Variants in SRRM2 observed in about 807,000 individuals in gnomAD.
SRRM2 encodes the protein serine/arginine repetitive matrix protein 2.
Under a neutral mutation model 213.8 loss-of-function variants are expected in SRRM2, and 30 were observed. The observed-to-expected ratio is 0.14, with a 90% CI of 0.10 to 0.19. The LOEUF is 0.19. SRRM2 is among the 10% of genes least tolerant of loss of function. The pLI, the probability that SRRM2 is intolerant of heterozygous loss-of-function variation, is 1.00. For missense variants in SRRM2, 4,904 were observed against 3,647.0 expected (o/e 1.34, Z -8.88); for synonymous variants, 2,025 against 1,377.7 (o/e 1.47, Z -10.40).
Position 2,765,056 on chromosome 16 carries a change from C to G in SRRM2, c.4528C>G (p.Leu1510Val), listed in dbSNP as rs142674628. The change falls in exon 11 of 15, where the codon CTT becomes GTT. Residue 1510 changes from leucine to valine, a missense_variant. Transcript: ENST00000301740. ...PSSPELNNKCLTPQRERSGSE... is the reference protein window; with the variant it reads ...PSSPELNNKCVTPQRERSGSE... ...ATCCCCAGAGCTCAACAACAAGTGT[C>G]TTACCCCCCAGAGAGAAAGAAGCGG... The G allele has an allele frequency of 1.2e-6, 2 of 1,614,078 alleles. No homozygotes were observed. Among genetic ancestry groups the G allele is most frequent in the African/African-American group, 2.7e-5 (2 of 75,038 alleles).
intron 11 of SRRM2, 24 bp downstream of exon 11, chr16:2,768,285 A>G (rs1318646169): frequency 2.0e-6 from 3 of 1,522,662 alleles, no homozygotes; most frequent in East Asian, 4.5e-5. Flanking sequence ...ACTTTTAGAA[A>G]TCTTCAGTGG....
intron 11 of SRRM2, chr16:2,768,659 C>G: frequency 1.5e-6 from 1 of 647,638 alleles, no homozygotes; most frequent in South Asian, 1.5e-5. Context: ...CCAACCTGCA[C>G]TCACAGGGGC....
Position 2,769,268 on chromosome 16 carries a change from C to T in SRRM2, c.8005C>T (p.Pro2669Ser), listed in dbSNP as rs772257959. The T allele has an allele frequency of 2.0e-5, 32 of 1,561,962 alleles. No homozygotes were observed. In the Admixed American group the frequency reaches 5.7e-4, roughly 28 times the overall value. The change falls in exon 12 of 15, where the codon CCC becomes TCC. Residue 2669 changes from proline (P) to serine (S), a missense_variant. Pro to Ser is a moderately conservative substitution (Grantham distance 74, BLOSUM62 -1). Coordinates refer to ENST00000301740, the MANE Select transcript of SRRM2 (RefSeq NM_016333.4). Reference sequence around the variant, plus strand: ...CAAACCTGCAAGCCCCAAGAAGCCACCCCCTGGCGAGCGGAGGTGAGTGCT... The same window carrying T: ...CAAACCTGCAAGCCCCAAGAAGCCATCCCCTGGCGAGCGGAGGTGAGTGCT... ...LPKPASPKKP[P>S]PGERRSRSPR... is the part of the protein sequence containing the mutation.
At position 2,767,989 on chromosome 16, in the gene SRRM2, T is replaced by C. The variant is rs746629563; in HGVS notation, c.7461T>C (p.Ala2487=). 3 of 1,614,152 alleles carry C rather than the reference T, an allele frequency of 1.9e-6. No homozygotes were observed. The South Asian group carries it at 3.3e-5, about 18-fold the overall frequency. Residue 2487 remains alanine, a synonymous_variant, in exon 11 of 15, where the codon GCT becomes GCC. Coordinates refer to ENST00000301740, the MANE Select transcript of SRRM2 (RefSeq NM_016333.4). ...SGAVATTTSS[A]GDHNGMLSVP... is the part of the protein sequence containing the mutation. ...CAGTGGCAACGACCACGTCCTCTGC[T>C]GGTGATCACAATGGCATGCTCTCTG...
rs150125490 is a variant in SRRM2, at chr16:2,765,815, C to G, written c.5287C>G (p.Pro1763Ala). 201 of 1,614,106 alleles carry G rather than the reference C, an allele frequency of 1.2e-4. No homozygotes were observed. In the African/African-American group the frequency reaches 2.1e-3, roughly 17 times the overall value. Residue 1763 changes from proline (P) to alanine (A), a missense_variant, in exon 11 of 15, where the codon CCT becomes GCT. By Grantham distance (27) the Pro-to-Ala change is conservative. Transcript: ENST00000301740. Reference protein sequence around the residue: ...TKTTSRRGRSPSPKPRGLQRS... With the variant: ...TKTTSRRGRSASPKPRGLQRS... ...GACAACCTCAAGGAGAGGCCGCTCT[C>G]CTTCGCCAAAGCCTCGTGGACTCCA...
At position 2,762,937 on chromosome 16, in the gene SRRM2, ACCT is replaced by A. The variant is rs1397324967; in HGVS notation, c.2410_2412del (p.Pro804del). ...GGCGCAGTCGCTCTGGATCCTCCCA[ACCT>A]AAAGCTAAATCTAGAACGCCACCCA... On this transcript the variant is annotated inframe_deletion, in exon 11 of 15. Transcript: ENST00000301740. 2.5e-6 allele frequency: 4 copies of A among 1,610,320 alleles called. No homozygotes were observed. Among genetic ancestry groups the A allele is most frequent in the East Asian group, 4.5e-5 (2 of 44,866 alleles).
intron 4 of SRRM2, 34 bp from the exon 5 acceptor site, chr16:2,758,436 C>G (rs774949314): frequency 2.0e-6 from 3 of 1,534,158 alleles, no homozygotes; most frequent in Admixed American, 1.7e-5. Context: ...GTTTGTTCTA[C>G]CACCCATCTC....
In SRRM2 at chr16:2,752,716, G is replaced by A. The variant is rs1433218411; in HGVS notation, c.-162G>A. On this transcript the variant is annotated 5_prime_UTR_variant, in exon 1 of 15. Transcript: ENST00000301740. ...GTTGCGGCCCCTGAGGAAGCGAGGA[G>A]GCGTCGGCGTCGGCTGAGGCGGGCG... 8.4e-6 allele frequency: 3 copies of A among 357,666 alleles called. No homozygotes were observed. Among genetic ancestry groups the A allele is most frequent in the African/African-American group, 2.3e-5 (1 of 44,214 alleles). 22.2% of individuals were successfully genotyped at this position (357,666 alleles called of 1,614,324 possible). A position where few individuals can be genotyped will look rare whatever the true frequency, so the allele number is the denominator to read the frequency against.
Position 2,769,120 on chromosome 16 carries a change from CTCCTCCTCCTCCTCCTCCTCTTCT to C in SRRM2, c.7869_7892del (p.Ser2641_Ser2648del), listed in dbSNP as rs1358722891. ...GTTCCAGCTCCTCCTCTTCATCTTC[CTCCTCCTCCTCCTCCTCCTCTTCT>C]TCCTCCTCCTCTTCCTCTTCTTCTT... On this transcript the variant is annotated inframe_deletion, in exon 12 of 15. Transcript: ENST00000301740. 1.3e-6 allele frequency: 2 copies of C among 1,566,086 alleles called. No individual in the cohort carries two copies. The highest frequency in any genetic ancestry group is 1.7e-5 in the Admixed American group (1 of 58,852).
In SRRM2 at chr16:2,765,724, C is replaced by T. The variant is rs767459055; in HGVS notation, c.5196C>T (p.Ser1732=). The change falls in exon 11 of 15, where the codon TCC becomes TCT. Residue 1732 remains serine (S), a synonymous_variant. Transcript: ENST00000301740. Reference sequence around the variant, plus strand: ...ACCGGAGAAGTCCCTCAGTGTCTTCCCCGGAGCCAGCCGAAAAATCGAGGT... The same window carrying T: ...ACCGGAGAAGTCCCTCAGTGTCTTCTCCGGAGCCAGCCGAAAAATCGAGGT... ...PRHRRSPSVS[S]PEPAEKSRSS... 9 of 1,614,042 alleles carry T rather than the reference C, an allele frequency of 5.6e-6. No individual in the cohort carries two copies. In the Admixed American group the frequency reaches 1.5e-4, roughly 27 times the overall value.
Position 2,770,918 on chromosome 16 carries a change from T to C in SRRM2, c.*51T>C, listed in dbSNP as rs745890617. The C allele has an allele frequency of 2.5e-6, 4 of 1,611,496 alleles. No individual in the cohort carries two copies. Among genetic ancestry groups the C allele is most frequent in the Non-Finnish European group, 3.4e-6 (4 of 1,178,904 alleles). ...CCCAATGCTCTGGAGCCACAAGGAG[T>C]GTCCCTTCTTCCCCAGCAGAGCCGT... On this transcript the variant is annotated 3_prime_UTR_variant, in exon 15 of 15. Transcript: ENST00000301740.
Position 2,761,558 on chromosome 16 carries a change from T to C in SRRM2, c.1033-3T>C. On this transcript the variant is annotated splice_polypyrimidine_tract_variant and splice_region_variant and intron_variant, in intron 10 of 14. Coordinates refer to ENST00000301740, the MANE Select transcript of SRRM2 (RefSeq NM_016333.4). ...CTATCCCTGCTCTCTCTTCCACTCTTAGAAATCTGCAACTCGACCTAGCCC... is the reference window on the plus strand; with the variant it reads ...CTATCCCTGCTCTCTCTTCCACTCTCAGAAATCTGCAACTCGACCTAGCCC... 6.7e-7 allele frequency: 1 copy of C among 1,502,832 alleles called. No homozygotes were observed. Among genetic ancestry groups the C allele is most frequent in the Middle Eastern group, 1.8e-4 (1 of 5,556 alleles). 93.1% of individuals were successfully genotyped at this position (1,502,832 alleles called of 1,614,324 possible). A position where few individuals can be genotyped will look rare whatever the true frequency, so the allele number is the denominator to read the frequency against.
Position 2,767,104 on chromosome 16 carries a change from C to T in SRRM2, c.6576C>T (p.Thr2192=), listed in dbSNP as rs372395764. Residue 2192 remains threonine (T), a synonymous_variant, in exon 11 of 15, where the codon ACC becomes ACT. Transcript: ENST00000301740. ...CCCTGACAGCTATCAGTCTTGGCAC[C>T]GCTCGGCCTCCTCCGTCCATGTCTG... The part of the protein sequence containing the change: ...ALALTAISLG[T]ARPPPSMSAA... The T allele has an allele frequency of 1.1e-4, 184 of 1,614,064 alleles. No homozygotes were observed. The highest frequency in any genetic ancestry group is 1.4e-4 in the Non-Finnish European group (167 of 1,180,038).
rs780139434 is a variant in SRRM2, at chr16:2,763,215, C to T, written c.2687C>T (p.Pro896Leu). ...AGACATAGCTGCTCAGGGTCCTCTC[C>T]TCCTAGAGTGAAATCTAGCACACCT... ...PSRHSCSGSS[P>L]PRVKSSTPPR... The change falls in exon 11 of 15, where the codon CCT becomes CTT. Residue 896 changes from proline to leucine, a missense_variant. Pro to Leu is a moderately conservative substitution (Grantham distance 98). Transcript: ENST00000301740. 38 of 1,613,972 alleles carry T rather than the reference C, an allele frequency of 2.4e-5. No individual in the cohort carries two copies. The highest frequency in any genetic ancestry group is 3.1e-5 in the Non-Finnish European group (36 of 1,180,030).
intron 4 of SRRM2, among the ~76,000 whole-genome samples, chr16:2,758,268 T>C (rs999437872): frequency 4.6e-5 from 7 of 151,924 alleles, no homozygotes; most frequent in Admixed American, 3.9e-4. Context: ...CTTGGAGAGG[T>C]GGAGGCAGGA....
At position 2,766,913 on chromosome 16, in the gene SRRM2, C is replaced by G. The variant is rs375690866; in HGVS notation, c.6385C>G (p.Arg2129Gly). 1.7e-5 allele frequency: 28 copies of G among 1,613,972 alleles called. No homozygotes were observed. Among genetic ancestry groups the G allele is most frequent in the Non-Finnish European group, 2.0e-5 (24 of 1,180,038 alleles). ...TAGCATGTCCCCAACACCTCTTGAT[C>G]GCTGCAGATCACCTGGAATGCTTGA... ...RPSMSPTPLD[R>G]CRSPGMLEPL... is the part of the protein sequence containing the mutation. Residue 2129 changes from arginine (R) to glycine (G), a missense_variant, in exon 11 of 15, where the codon CGC becomes GGC. By Grantham distance (125) the Arg-to-Gly change is moderately radical. Transcript: ENST00000301740. This position sits in a 1 kb window ranked among gnomAD's most constrained non-coding sequence, Gnocchi z 7.0.
rs757554285 is a variant in SRRM2, at chr16:2,762,812, C to G, written c.2284C>G (p.Leu762Val). ...SRISSRRSRS[L>V]SSPRSKAKSR... ...CATTTCTTCAAGGCGGAGCAGGTCT[C>G]TCTCTTCACCACGGTCCAAAGCAAA... Residue 762 changes from leucine to valine, a missense_variant, in exon 11 of 15, where the codon CTC becomes GTC. Transcript: ENST00000301740. 124 of 1,614,050 alleles carry G rather than the reference C, an allele frequency of 7.7e-5. No homozygotes were observed. Among genetic ancestry groups the G allele is most frequent in the Non-Finnish European group, 9.2e-5 (108 of 1,180,036 alleles).
chr16:2,768,061 C>T lies in SRRM2; in HGVS notation c.7533C>T (p.Ala2511=), dbSNP rs1385502399. The T allele has an allele frequency of 1.4e-5, 22 of 1,614,180 alleles. No individual in the cohort carries two copies. The Middle Eastern group carries it at 1.2e-3, about 85-fold the overall frequency. ...ACTCTGATGTGGGGGAGCCACCTGC[C>T]TCTACTGGGGCCCAGCAGCCTTCTG... The part of the protein sequence containing the change: ...VPHSDVGEPP[A]STGAQQPSAL... Residue 2511 remains alanine (A), a synonymous_variant, in exon 11 of 15, where the codon GCC becomes GCT. Transcript: ENST00000301740.
rs1471251494 is a variant in SRRM2 at position 2,765,975 on chromosome 16, G to A, written c.5447G>A (p.Gly1816Glu). Residue 1816 changes from glycine to glutamate, a missense_variant, in exon 11 of 15, where the codon GGA (glycine) becomes GAA (glutamate). Coordinates refer to ENST00000301740, the MANE Select transcript of SRRM2 (RefSeq NM_016333.4). Reference sequence around the variant, plus strand: ...TCGCGGGTTACTCGGCGGCGGAGGGGAGGCTCTGGTTATCACTCAAGGTCA... The same window carrying A: ...TCGCGGGTTACTCGGCGGCGGAGGGAAGGCTCTGGTTATCACTCAAGGTCA... ...SRSRVTRRRR[G>E]GSGYHSRSPA... The A allele has an allele frequency of 1.2e-6, 2 of 1,614,166 alleles. No homozygotes were observed. The highest frequency in any genetic ancestry group is 2.2e-5 in the South Asian group (2 of 91,082).
Sources: allele counts gnomAD v4.1 joint callset (sites outside exome capture counted in the v4.1 genomes callset), GRCh38; gene constraint gnomAD v4.1.1; non-coding constraint Gnocchi (gnomAD v3.1); transcripts MANE v1.5; gene names NCBI Gene and HGNC (gene_info 2026-07-23, HGNC 2026-07-21).